LCOR: variants seen among roughly 807,000 people sequenced by gnomAD.
The protein encoded by LCOR is ligand-dependent corepressor.
A neutral mutation model predicts 64.4 loss-of-function variants in LCOR; 14 were observed. The ratio of observed to expected loss-of-function variants is 0.22; its 90% CI spans 0.14 to 0.34. LCOR has a LOEUF of 0.34. Ranked by LOEUF, LCOR falls within the 10% of genes least tolerant of loss-of-function variation. The probability of loss-of-function intolerance (pLI) is 1.00; values close to 1 mark genes in which losing one functional copy is unlikely to be tolerated. For synonymous variants in LCOR, 643 were observed against 642.5 expected (o/e 1.00, Z -0.01); for missense variants, 1,686 against 1,765.3 (o/e 0.96, Z 0.80).
At chr10:96,948,244 C>A (rs2134521411) in intron 5 of LCOR, among the ~76,000 whole-genome samples, 1 of 151,994 alleles carries the variant, frequency 6.6e-6, no homozygotes, top group East Asian at 1.9e-4. Context: ...TACTAGTTGG[C>A]AGAGTTTATT....
intron 7 of LCOR, 77 bp from the exon 8 acceptor site, chr10:96,980,716 T>C (rs1190469788): frequency 5.0e-6 from 3 of 604,218 alleles, no homozygotes; most frequent in Admixed American, 5.9e-5. Context: ...TGAATAACGT[T>C]GGGTGAATTT....
intron 7 of LCOR, among the ~76,000 whole-genome samples, chr10:96,971,233 C>A (rs576512710): frequency 6.6e-6 from 1 of 152,140 alleles, no homozygotes; most frequent in Non-Finnish European, 1.5e-5. Context: ...TTCCCTGCCT[C>A]GTTGAACTCA....
chr10:96,918,918 GT>G (rs1456728089), intron 4 of LCOR, among the ~76,000 whole-genome samples: 4 of 152,124 alleles, frequency 2.6e-5, no homozygotes, highest in Non-Finnish European at 5.9e-5. Context: ...ACTGCTCAAA[GT>G]TTTCTAGTTA....
intron 2 of LCOR, among the ~76,000 whole-genome samples, chr10:96,863,041 C>T (rs1220049498): frequency 6.7e-6 from 1 of 149,654 alleles, no homozygotes; most frequent in East Asian, 2.0e-4. Flanking sequence ...CCACCACATG[C>T]CCGGCTAATT....
At chr10:96,856,841 G>T (rs571564564) in intron 2 of LCOR, among the ~76,000 whole-genome samples, 2 of 151,534 alleles carry the variant, frequency 1.3e-5, no homozygotes, top group South Asian at 4.2e-4. Context: ...GCTCACTACG[G>T]GTAGACAATG....
At chr10:96,853,673 C>A (rs1180041205) in intron 2 of LCOR, among the ~76,000 whole-genome samples, 1 of 152,156 alleles carries the variant, frequency 6.6e-6, no homozygotes, top group Non-Finnish European at 1.5e-5. Context: ...AGTCTCTGTT[C>A]TACGTTTCTC....
intron 2 of LCOR, among the ~76,000 whole-genome samples, chr10:96,869,901 T>C (rs12358133): frequency 2.8e-3 from 418 of 151,978 alleles, no homozygotes; most frequent in Non-Finnish European, 4.6e-3. Flanking sequence ...TAAGGAAATA[T>C]TTAGGTACAC....
intron 4 of LCOR, among the ~76,000 whole-genome samples, chr10:96,926,434 T>A (rs1847168691): frequency 1.3e-5 from 2 of 152,212 alleles, no homozygotes; most frequent in Non-Finnish European, 2.9e-5. Flanking sequence ...TTGTGACATA[T>A]CTTTGTGACA....
intron 2 of LCOR, among the ~76,000 whole-genome samples, chr10:96,847,698 T>C (rs1845656533): frequency 6.6e-6 from 1 of 152,138 alleles, no homozygotes; most frequent in African/African-American, 2.4e-5. Context: ...TACCTTGGCC[T>C]CCCAAAGTGG....
At chr10:96,941,247 C>A (rs1847465256) in intron 4 of LCOR, among the ~76,000 whole-genome samples, 2 of 140,590 alleles carry the variant, frequency 1.4e-5, no homozygotes, top group African/African-American at 2.6e-5. Context: ...GCTGACCCCC[C>A]CACCTCCCTC....
At chr10:96,858,495 A>G (rs1016315281) in intron 2 of LCOR, among the ~76,000 whole-genome samples, 2 of 152,224 alleles carry the variant, frequency 1.3e-5, no homozygotes, top group Non-Finnish European at 1.5e-5. Flanking sequence ...ACAGTTTGCT[A>G]GAGAAACAAA....
intron 4 of LCOR, among the ~76,000 whole-genome samples, chr10:96,926,835 G>C (rs993899564): frequency 6.6e-6 from 1 of 151,844 alleles, no homozygotes; most frequent in African/African-American, 2.4e-5. Context: ...ATAATTTTTT[G>C]GGTTTTATTT....
At chr10:96,885,553 A>ATTTT (rs144687202) in intron 2 of LCOR, among the ~76,000 whole-genome samples, 3 of 117,754 alleles carry the variant, frequency 2.5e-5, no homozygotes, top group Admixed American at 8.8e-5. Flanking sequence ...GGCTAATTGA[A>ATTTT]TTTTTTTTTT....
intron 7 of LCOR, among the ~76,000 whole-genome samples, chr10:96,973,231 T>G (rs1451894573): frequency 6.6e-6 from 1 of 152,204 alleles, no homozygotes; most frequent in Admixed American, 6.5e-5. Flanking sequence ...TTGCCTACCC[T>G]TTCACTGCTT....
chr10:96,850,685 A>G (rs1845709004), intron 2 of LCOR, among the ~76,000 whole-genome samples: 1 of 152,092 alleles, frequency 6.6e-6, no homozygotes, highest in Non-Finnish European at 1.5e-5. Context: ...CTTGAGCTCA[A>G]GCAGTCCTCT....
At chr10:96,845,593 C>T (rs1186982717) in intron 2 of LCOR, among the ~76,000 whole-genome samples, 6 of 150,142 alleles carry the variant, frequency 4.0e-5, no homozygotes, top group Non-Finnish European at 8.9e-5. Flanking sequence ...TCAGCCTCCC[C>T]AGTAGCTGGG....
chr10:96,984,279 C>T lies in LCOR; in HGVS notation c.3819C>T (p.Gly1273=). Residue 1273 remains glycine (G), a synonymous_variant, in exon 8 of 8, where the codon GGC becomes GGT. Transcript: ENST00000421806. ...ENPDQVEPED[G]SDVSPGPNSE... is the part of the protein sequence containing the mutation. ...CTGATCAAGTGGAGCCAGAAGATGGCAGTGATGTCAGCCCCGGCCCTAATT... is the reference window on the plus strand; with the variant it reads ...CTGATCAAGTGGAGCCAGAAGATGGTAGTGATGTCAGCCCCGGCCCTAATT... 6.2e-7 allele frequency: 1 copy of T among 1,614,148 alleles called. No individual in the cohort carries two copies. The highest frequency in any genetic ancestry group is 8.5e-7 in the Non-Finnish European group (1 of 1,180,036).
At chr10:96,962,297 A>G (rs1847894076) in intron 7 of LCOR, 3 of 152,164 alleles carry the variant, frequency 2.0e-5, no homozygotes, top group Admixed American at 2.0e-4. Flanking sequence ...TTTTAGAAAA[A>G]TAAATCACTA....
intron 2 of LCOR, among the ~76,000 whole-genome samples, chr10:96,866,184 A>T (rs1845970696): frequency 6.6e-6 from 1 of 152,174 alleles, no homozygotes; most frequent in African/African-American, 2.4e-5. Flanking sequence ...TGTACAATTC[A>T]ATTACATTTT....
Sources: allele counts gnomAD v4.1 joint callset (sites outside exome capture counted in the v4.1 genomes callset), GRCh38; gene constraint gnomAD v4.1.1; transcripts MANE v1.5; gene names NCBI Gene and HGNC (gene_info 2026-07-23, HGNC 2026-07-21).